The following MKNK2 variants were observed in gnomAD, a reference collection of about 807,000 sequenced individuals.
MKNK2 encodes the protein MAPK interacting serine/threonine kinase 2.
Under a neutral mutation model 55.0 loss-of-function variants are expected in MKNK2, and 54 were observed. The ratio of observed to expected loss-of-function variants is 0.98; its 90% CI spans 0.79 to 1.23. The LOEUF is 1.23. Ranked by LOEUF, MKNK2 falls within the 50% of genes most tolerant of loss-of-function variation. MKNK2 has a pLI of 0.00. For synonymous variants in MKNK2, 323 were observed against 256.0 expected, an observed-to-expected ratio of 1.26 and a Z score of -2.50; for missense variants, 685 against 632.1, an observed-to-expected ratio of 1.08 and a Z score of -0.90.
intron 12 of MKNK2, chr19:2,040,789 C>G (rs2016860455): frequency 3.7e-6 from 2 of 539,610 alleles, no homozygotes; most frequent in East Asian, 6.4e-5. Flanking sequence ...GGCTGTGGGT[C>G]CCCACCACCC....
chr19:2,047,429 G>A (rs1191670321), intron 2 of MKNK2, among the ~76,000 whole-genome samples: 2 of 152,188 alleles, frequency 1.3e-5, no homozygotes, highest in Non-Finnish European at 2.9e-5. Context: ...GGAGGGGACA[G>A]ACACAAGCAG....
intron 10 of MKNK2, 28 bp downstream of exon 10, chr19:2,042,399 G>A: frequency 6.5e-7 from 1 of 1,546,776 alleles, no homozygotes; most frequent in East Asian, 2.4e-5. Context: ...AGGCGGCCGA[G>A]CCCCCAGCCC....
rs574686029 is a variant in MKNK2, at chr19:2,037,891, C to T, written c.*1722G>A. On this transcript the variant is annotated 3_prime_UTR_variant, in exon 14 of 14. Transcript: ENST00000250896. Reference sequence around the variant, plus strand: ...TGCTAGCCACTCAGCTTTAGAGACCCGATGGCTATGGGCGCCTGCAGCGGG... The same window carrying T: ...TGCTAGCCACTCAGCTTTAGAGACCTGATGGCTATGGGCGCCTGCAGCGGG... 153 of 1,491,948 alleles carry T rather than the reference C, an allele frequency of 1.0e-4. No homozygotes were observed. Among genetic ancestry groups the T allele is most frequent in the Non-Finnish European group, 1.2e-4 (138 of 1,107,252 alleles). The allele number at this position is 1,491,948 out of a possible 1,614,324, so 92.4% of individuals were successfully genotyped here.
chr19:2,050,661 C>A, intron 2 of MKNK2, 140 bp downstream of exon 2: 1 of 723,456 alleles, frequency 1.4e-6, no homozygotes. Context: ...AGCGCACGGC[C>A]GGCCCGGGCA....
chr19:2,043,359 A>G (rs1350815560), intron 6 of MKNK2, 144 bp downstream of exon 6: 2 of 1,009,292 alleles, frequency 2.0e-6, no homozygotes, highest in Non-Finnish European at 3.1e-6. Flanking sequence ...TGGGGCTGTC[A>G]GCCAGCCTGC....
At chr19:2,040,838 C>CCTGG (rs2016861834) in intron 12 of MKNK2, 2 of 597,954 alleles carry the variant, frequency 3.3e-6, no homozygotes, top group East Asian at 5.8e-5. Context: ...CTGGGAGCCG[C>CCTGG]CTGGCTGGCC....
At chr19:2,049,112 A>C (rs533687254) in intron 2 of MKNK2, among the ~76,000 whole-genome samples, 1 of 152,318 alleles carries the variant, frequency 6.6e-6, no homozygotes, top group East Asian at 1.9e-4. Flanking sequence ...CCAACTCAGC[A>C]AAGCTACAGA....
At chr19:2,041,818 G>A (rs1466308146) in intron 11 of MKNK2, 22 bp downstream of exon 11, 9 of 1,495,706 alleles carry the variant, frequency 6.0e-6, no homozygotes, top group East Asian at 2.6e-5. Context: ...CCCAGGAGAG[G>A]AGGGTGCGCG....
chr19:2,041,240 C>G, intron 11 of MKNK2, 36 bp from the exon 12 acceptor site: 1 of 1,588,588 alleles, frequency 6.3e-7, no homozygotes, highest in Non-Finnish European at 8.6e-7. Context: ...TTAGACCTGC[C>G]CAAGGGCCTG....
rs2016825078 is a variant in MKNK2 at position 2,039,446 on chromosome 19, C to A, written c.*167G>T. 2.9e-6 allele frequency: 4 copies of A among 1,383,422 alleles called. No individual in the cohort carries two copies. Among genetic ancestry groups the A allele is most frequent in the South Asian group, 1.7e-5 (1 of 57,726 alleles). 85.7% of individuals were successfully genotyped at this position (1,383,422 alleles called of 1,614,324 possible). ...AGGGGTGGAAACAGGAAAAAAAAAA[C>A]CCAAAAGCAAAAACCTTCTATAAAA... On this transcript the variant is annotated 3_prime_UTR_variant, in exon 14 of 14. Transcript: ENST00000250896.
At chr19:2,050,429 C>T (rs1453597296) in intron 2 of MKNK2, among the ~76,000 whole-genome samples, 1 of 152,144 alleles carries the variant, frequency 6.6e-6, no homozygotes, top group Admixed American at 6.5e-5. Context: ...GGGACACCCC[C>T]CATAAGCCAC....
intron 2 of MKNK2, among the ~76,000 whole-genome samples, chr19:2,047,760 T>A (rs2017030087): frequency 6.6e-6 from 1 of 152,044 alleles, no homozygotes; most frequent in Admixed American, 6.6e-5. Context: ...TTTCGCTCAG[T>A]GCCTGGGGCT....
intron 10 of MKNK2, 30 bp from the exon 11 acceptor site, chr19:2,042,064 G>T: frequency 6.9e-7 from 1 of 1,457,458 alleles, no homozygotes; most frequent in Non-Finnish European, 9.1e-7. Context: ...GCGTCAGCCG[G>T]GGTTTCCCAG....
Position 2,042,031 on chromosome 19 carries a change from C to G in MKNK2, c.754G>C (p.Gly252Arg). The G allele has an allele frequency of 1.3e-6, 2 of 1,491,666 alleles. No individual in the cohort carries two copies. The highest frequency in any genetic ancestry group is 1.8e-6 in the Non-Finnish European group (2 of 1,119,864). 92.4% of individuals were successfully genotyped at this position (1,491,666 alleles called of 1,614,324 possible). A position where few individuals can be genotyped will look rare whatever the true frequency, so the allele number is the denominator to read the frequency against. The change falls in exon 11 of 14, where the codon GGC becomes CGC. Residue 252 changes from glycine to arginine, a missense_variant. Coordinates refer to ENST00000250896, the MANE Select transcript of MKNK2 (RefSeq NM_199054.3). ...ISTPELLTPC[G>R]SAEYMAPEVV... is the part of the protein sequence containing the mutation. ...TCCGGGGCCATGTACTCCGCCGAGC[C>G]GCACTGCGGGCGGGGGAGGGGCGCG... is the stretch of plus-strand genomic sequence containing the variant.
intron 10 of MKNK2, 83 bp downstream of exon 10, chr19:2,042,344 G>C (rs1034509584): frequency 4.8e-6 from 6 of 1,261,588 alleles, no homozygotes; most frequent in Admixed American, 4.0e-5. Context: ...GCGGCCTGGA[G>C]CTGCTGGATG....
chr19:2,040,029 T>A lies in MKNK2; in HGVS notation c.1154+105A>T, dbSNP rs1288910208. The stretch of plus-strand genomic sequence containing the variant: ...GCTTCACTGAGTCACCAGGCTTGCC[T>A]GCCTCCCCGACCCCAAAGCAGTTCT... On this transcript the variant is annotated intron_variant, in intron 13 of 13. Transcript: ENST00000250896. 3 of 1,424,350 alleles carry A rather than the reference T, an allele frequency of 2.1e-6. No individual in the cohort carries two copies. In the African/African-American group the frequency reaches 4.2e-5, roughly 20 times the overall value. 88.2% of individuals were successfully genotyped at this position (1,424,350 alleles called of 1,614,324 possible). A position where few individuals can be genotyped will look rare whatever the true frequency, so the allele number is the denominator to read the frequency against.
chr19:2,040,553 G>T, intron 12 of MKNK2: 1 of 302,406 alleles, frequency 3.3e-6, no homozygotes, highest in Non-Finnish European at 6.2e-6. Flanking sequence ...CCAGCCCCTC[G>T]CCTGGGGACA....
intron 5 of MKNK2, 129 bp downstream of exon 5, chr19:2,046,057 C>T (rs972257331): frequency 2.2e-5 from 20 of 902,856 alleles, no homozygotes; most frequent in African/African-American, 8.1e-5. Flanking sequence ...ACTCAGGGCC[C>T]GGTGGCCACT....
Position 2,050,821 on chromosome 19 carries a change from C to T in MKNK2, c.31G>A (p.Gly11Ser). 2.6e-6 allele frequency: 4 copies of T among 1,538,264 alleles called. No homozygotes were observed. Among genetic ancestry groups the T allele is most frequent in the Non-Finnish European group, 3.5e-6 (4 of 1,142,110 alleles). Reference sequence around the variant, plus strand: ...CTCACCTTGAACGAACGGTGGAAACCCTGAAGTTCGGCTGGTTTCTTCTGC... The same window carrying T: ...CTCACCTTGAACGAACGGTGGAAACTCTGAAGTTCGGCTGGTTTCTTCTGC... MVQKKPAELQ[G>S]FHRSFKGQNP... is the part of the protein sequence containing the mutation. Residue 11 changes from glycine (G) to serine (S), a missense_variant, in exon 2 of 14, where the codon GGT (glycine) becomes AGT (serine). Physicochemically the swap from Gly to Ser is moderately conservative, Grantham distance 56. Transcript: ENST00000250896.
Sources: allele counts gnomAD v4.1 joint callset (sites outside exome capture counted in the v4.1 genomes callset), GRCh38; gene constraint gnomAD v4.1.1; transcripts MANE v1.5; gene names NCBI Gene and HGNC (gene_info 2026-07-23, HGNC 2026-07-21).